ARHGAP10: variants seen among roughly 807,000 people sequenced by gnomAD.
ARHGAP10 encodes the protein Rho GTPase activating protein 10.
ARHGAP10 carries 87 observed loss-of-function variants against 108.6 expected under a neutral mutation model. The observed-to-expected ratio is 0.80, with a 90% CI of 0.67 to 0.96. ARHGAP10 has a LOEUF of 0.96. Among genes scored for constraint, ARHGAP10 ranks in the 40% least tolerant of loss-of-function variants. ARHGAP10 has a pLI of 0.00. For missense variants in ARHGAP10, 939 were observed against 954.5 expected, an observed-to-expected ratio of 0.98 and a Z score of 0.21; for synonymous variants, 347 against 341.1, an observed-to-expected ratio of 1.02 and a Z score of -0.19.
chr4:147,886,759 C>T (rs2126879674), intron 10 of ARHGAP10, among the ~76,000 whole-genome samples: 1 of 152,168 alleles, frequency 6.6e-6, no homozygotes, highest in Admixed American at 6.5e-5. Context: ...ACTGATCATA[C>T]TGTGTTTTCT....
At chr4:148,000,779 T>C (rs1030384718) in intron 18 of ARHGAP10, among the ~76,000 whole-genome samples, 34 of 152,178 alleles carry the variant, frequency 2.2e-4, no homozygotes, top group African/African-American at 8.2e-4. Context: ...GGGTTGTTTG[T>C]TTTTTTCTTG....
chr4:148,069,375 C>T (rs1003130236), intron 22 of ARHGAP10, among the ~76,000 whole-genome samples: 3 of 152,148 alleles, frequency 2.0e-5, no homozygotes, highest in African/African-American at 7.2e-5. Context: ...TCCCTACTGG[C>T]TTCTGCCTTC....
At chr4:147,766,712 A>T (rs1729832978) in intron 1 of ARHGAP10, among the ~76,000 whole-genome samples, 1 of 145,586 alleles carries the variant, frequency 6.9e-6, no homozygotes. Flanking sequence ...CATCTCAAAA[A>T]ATATATATAA....
rs541208242 is a variant in ARHGAP10, at chr4:147,776,363, G to A, written c.154+43908G>A. On this transcript the variant is annotated intron_variant, in intron 1 of 22. Coordinates refer to ENST00000336498, the MANE Select transcript of ARHGAP10 (RefSeq NM_024605.4). Reference sequence around the variant, plus strand: ...GACTCCTGAGTAGCTGGAATTACAGGAACGCGTCACCACACCCAGCTAATT... The same window carrying A: ...GACTCCTGAGTAGCTGGAATTACAGAAACGCGTCACCACACCCAGCTAATT... Among the ~76,000 whole-genome samples, 93 of 152,208 alleles carry A rather than the reference G, an allele frequency of 6.1e-4. 1 individual carries two copies. The highest frequency in any genetic ancestry group is 9.7e-4 in the Non-Finnish European group (66 of 68,000).
At chr4:147,856,328 C>T (rs759492436) in intron 4 of ARHGAP10, among the ~76,000 whole-genome samples, 1 of 152,130 alleles carries the variant, frequency 6.6e-6, no homozygotes, top group Admixed American at 6.5e-5. Context: ...TTATTTTAGG[C>T]CCTGTTGACC....
chr4:147,781,075 G>A (rs1400371315), intron 1 of ARHGAP10, among the ~76,000 whole-genome samples: 4 of 152,102 alleles, frequency 2.6e-5, no homozygotes, highest in Non-Finnish European at 1.5e-5. Context: ...GACTACTGGC[G>A]GGGCCGGGCA....
Position 147,823,098 on chromosome 4 carries a change from G to A in ARHGAP10, c.312+141G>A, listed in dbSNP as rs541272152. On this transcript the variant is annotated intron_variant, in intron 3 of 22. Transcript: ENST00000336498. ...ATTGTAATGGAAAGATGAGGTTTCC[G>A]GAGCCCTGATTTCTAGTTCCTTGAG... The A allele has an allele frequency of 8.3e-5, 75 of 907,198 alleles. 1 individual carries two copies. Among genetic ancestry groups the A allele is most frequent in the South Asian group, 4.6e-4 (26 of 56,606 alleles). 56.2% of individuals were successfully genotyped at this position (907,198 alleles called of 1,614,324 possible).
At chr4:147,804,908 C>T (rs1731721125) in intron 1 of ARHGAP10, among the ~76,000 whole-genome samples, 1 of 152,058 alleles carries the variant, frequency 6.6e-6, no homozygotes, top group African/African-American at 2.4e-5. Flanking sequence ...AATATTTTCT[C>T]CTATTCTGTG....
chr4:147,956,339 G>A (rs951529604), intron 16 of ARHGAP10, among the ~76,000 whole-genome samples: 1 of 152,088 alleles, frequency 6.6e-6, no homozygotes, highest in African/African-American at 2.4e-5. Flanking sequence ...TTCTTGTGAG[G>A]TCCTTGCTCC....
intron 5 of ARHGAP10, 86 bp from the exon 6 acceptor site, chr4:147,864,760 C>A: frequency 1.7e-6 from 2 of 1,157,862 alleles, no homozygotes; most frequent in African/African-American, 1.6e-5. Flanking sequence ...GTATTTTGGC[C>A]CATGGACCAC....
chr4:147,932,438 C>T lies in ARHGAP10; in HGVS notation c.1229-7387C>T, dbSNP rs192364711. Reference sequence around the variant, plus strand: ...ATGATAGACTGGATAAAGAAAATGCCGTACATGTAATATACCATGGAATAC... The same window carrying T: ...ATGATAGACTGGATAAAGAAAATGCTGTACATGTAATATACCATGGAATAC... On this transcript the variant is annotated intron_variant, in intron 13 of 22. Transcript: ENST00000336498. 1.8e-3 allele frequency among the ~76,000 whole-genome samples: 269 copies of T among 152,160 alleles called. 1 individual carries two copies. Among genetic ancestry groups the T allele is most frequent in the African/African-American group, 5.5e-3 (229 of 41,506 alleles).
At chr4:147,771,655 C>G (rs1186242632) in intron 1 of ARHGAP10, among the ~76,000 whole-genome samples, 1 of 152,094 alleles carries the variant, frequency 6.6e-6, no homozygotes, top group Non-Finnish European at 1.5e-5. Flanking sequence ...CTTGCTAGAG[C>G]GGGGTAGAAT....
chr4:147,908,413 G>A (rs1198565321), intron 11 of ARHGAP10, among the ~76,000 whole-genome samples: 1 of 152,188 alleles, frequency 6.6e-6, no homozygotes, highest in African/African-American at 2.4e-5. Context: ...TGTTGGCAAT[G>A]TCAGTGTAAC....
chr4:147,965,275 C>A, intron 17 of ARHGAP10, 146 bp downstream of exon 17: 1 of 544,656 alleles, frequency 1.8e-6, no homozygotes, highest in Non-Finnish European at 3.2e-6. Flanking sequence ...TTGGATAAGA[C>A]TGTTGAAATA....
At chr4:148,046,020 A>C (rs1245301489) in intron 19 of ARHGAP10, among the ~76,000 whole-genome samples, 1 of 152,240 alleles carries the variant, frequency 6.6e-6, no homozygotes, top group East Asian at 1.9e-4. Flanking sequence ...TGCCTGGAGC[A>C]GTTAAAATTT....
At chr4:148,004,806 A>G (rs1740879671) in intron 18 of ARHGAP10, among the ~76,000 whole-genome samples, 1 of 152,228 alleles carries the variant, frequency 6.6e-6, no homozygotes. Flanking sequence ...GGACCTCCAG[A>G]GCAGAAGACA....
At chr4:147,957,951 A>G (rs1008019933) in intron 16 of ARHGAP10, among the ~76,000 whole-genome samples, 1 of 152,202 alleles carries the variant, frequency 6.6e-6, no homozygotes, top group African/African-American at 2.4e-5. Context: ...AAATTAAGAG[A>G]GTTAATGTAA....
chr4:147,890,545 G>T (rs565869272), intron 10 of ARHGAP10, among the ~76,000 whole-genome samples: 3 of 152,342 alleles, frequency 2.0e-5, no homozygotes, highest in African/African-American at 4.8e-5. Context: ...GCAAGTGGTT[G>T]GCTGGGTGCA....
chr4:147,916,472 A>T (rs958174372), intron 13 of ARHGAP10: 4 of 152,176 alleles, frequency 2.6e-5, no homozygotes, highest in Admixed American at 2.6e-4. Flanking sequence ...AACCGGAAAA[A>T]GTTTTTAGCT....
Sources: gnomAD v4.1 joint callset for allele counts (sites outside exome capture counted in the v4.1 genomes callset) on GRCh38, gnomAD v4.1.1 for gene constraint, MANE v1.5 for transcripts, NCBI Gene and HGNC (gene_info 2026-07-23, HGNC 2026-07-21) for gene names.